Variants in CACNA2D3 observed in about 807,000 individuals in gnomAD.
CACNA2D3 encodes calcium voltage-gated channel auxiliary subunit alpha2delta 3.
A neutral mutation model predicts 160.6 loss-of-function variants in CACNA2D3; 60 were observed. That is an observed-to-expected ratio of 0.37 (90% CI 0.30 to 0.46). The LOEUF is 0.46. CACNA2D3 is among the 20% of genes least tolerant of loss of function. The pLI is 1.00. For synonymous variants in CACNA2D3, 558 were observed against 492.9 expected, an observed-to-expected ratio of 1.13 and a Z score of -1.75; for missense variants, 1,205 against 1,365.0, an observed-to-expected ratio of 0.88 and a Z score of 1.85.
intron 13 of CACNA2D3, among the ~76,000 whole-genome samples, chr3:54,770,791 G>T (rs1020356303): frequency 1.3e-5 from 2 of 152,108 alleles, no homozygotes; most frequent in African/African-American, 4.8e-5. Flanking sequence ...TATCATAATT[G>T]TATAAATGAA....
chr3:54,242,519 C>T (rs1025444981), intron 2 of CACNA2D3, among the ~76,000 whole-genome samples: 4 of 152,088 alleles, frequency 2.6e-5, no homozygotes, highest in African/African-American at 7.2e-5. Flanking sequence ...AGCACCACCA[C>T]TCTTGTACTT....
intron 31 of CACNA2D3, among the ~76,000 whole-genome samples, chr3:54,998,722 T>C (rs1375902206): frequency 9.6e-6 from 1 of 104,684 alleles, no homozygotes; most frequent in Non-Finnish European, 2.2e-5. Flanking sequence ...GTTTTTGTTT[T>C]GTTTTGTTTT....
chr3:54,603,145 G>A (rs1476641515), intron 9 of CACNA2D3, among the ~76,000 whole-genome samples: 1 of 152,218 alleles, frequency 6.6e-6, no homozygotes, highest in Non-Finnish European at 1.5e-5. Flanking sequence ...AGTTGCACTG[G>A]ACACAGGCAG....
intron 13 of CACNA2D3, among the ~76,000 whole-genome samples, chr3:54,794,407 T>C (rs1471460387): frequency 6.6e-6 from 1 of 152,148 alleles, no homozygotes; most frequent in Non-Finnish European, 1.5e-5. Context: ...TCACAATACA[T>C]TGTTTTTATT....
At chr3:55,065,980 C>G (rs1704626411) in intron 35 of CACNA2D3, among the ~76,000 whole-genome samples, 7 of 152,166 alleles carry the variant, frequency 4.6e-5, no homozygotes, top group Admixed American at 4.6e-4. Flanking sequence ...CACCTCCCTC[C>G]TACTGTCTCA....
At chr3:54,204,197 G>A (rs1447268868) in intron 2 of CACNA2D3, among the ~76,000 whole-genome samples, 3 of 151,986 alleles carry the variant, frequency 2.0e-5, no homozygotes, top group African/African-American at 7.2e-5. Flanking sequence ...CTGGGTCTCT[G>A]CTTTATAGAT....
intron 3 of CACNA2D3, among the ~76,000 whole-genome samples, chr3:54,345,725 C>T (rs1698444609): frequency 6.6e-6 from 1 of 152,144 alleles, no homozygotes. Context: ...CCCCAAAGCA[C>T]CTCTAAGCCT....
intron 11 of CACNA2D3, among the ~76,000 whole-genome samples, chr3:54,707,200 CA>C (rs1700872910): frequency 1.3e-5 from 2 of 152,186 alleles, no homozygotes; most frequent in African/African-American, 4.8e-5. Context: ...CCCCATCCCC[CA>C]AAACATATGT....
intron 2 of CACNA2D3, among the ~76,000 whole-genome samples, chr3:54,187,992 G>C (rs936256403): frequency 6.6e-6 from 1 of 151,976 alleles, no homozygotes; most frequent in African/African-American, 2.4e-5. Flanking sequence ...AGGGTGCCAG[G>C]CACTCTTATC....
intron 2 of CACNA2D3, among the ~76,000 whole-genome samples, chr3:54,134,960 C>T (rs1023895017): frequency 3.4e-4 from 51 of 152,182 alleles, no homozygotes; most frequent in Admixed American, 3.1e-3. Context: ...CCCTCGCAGC[C>T]GCCACCATCA....
At chr3:54,286,906 C>G (rs1016135154) in intron 2 of CACNA2D3, among the ~76,000 whole-genome samples, 1 of 152,104 alleles carries the variant, frequency 6.6e-6, no homozygotes, top group Non-Finnish European at 1.5e-5. Flanking sequence ...CAGGCCTGCC[C>G]TAAAAGAGCT....
intron 2 of CACNA2D3, among the ~76,000 whole-genome samples, chr3:54,191,281 A>C (rs1700976981): frequency 6.6e-6 from 1 of 152,136 alleles, no homozygotes; most frequent in African/African-American, 2.4e-5. Context: ...ACAAACATGT[A>C]ATCTTCAGTG....
intron 11 of CACNA2D3, among the ~76,000 whole-genome samples, chr3:54,648,081 C>T (rs1408352039): frequency 6.6e-6 from 1 of 152,148 alleles, no homozygotes; most frequent in East Asian, 1.9e-4. Flanking sequence ...CATTACCTCC[C>T]CCTTGTTGCA....
rs186066658 is a variant in CACNA2D3 at position 54,549,457 on chromosome 3, A to C, written c.545-13343A>C. Among the ~76,000 whole-genome samples, 302 of 152,294 alleles carry C rather than the reference A, an allele frequency of 2.0e-3. 2 individuals carry two copies. Among genetic ancestry groups the C allele is most frequent in the African/African-American group, 7.0e-3 (291 of 41,542 alleles). ...CGAGACTCCGTCTCAAAAACAAAAA[A>C]AACAACAAACAAACAAAAAAACAAA... On this transcript the variant is annotated intron_variant, in intron 5 of 37. Transcript: ENST00000474759.
chr3:54,702,052 A>G (rs1700776573), intron 11 of CACNA2D3, among the ~76,000 whole-genome samples: 1 of 152,218 alleles, frequency 6.6e-6, no homozygotes, highest in South Asian at 2.1e-4. Context: ...ATAATTGGCT[A>G]TCTGCATGCA....
chr3:54,609,819 T>C (rs904382195), intron 9 of CACNA2D3, among the ~76,000 whole-genome samples: 5 of 152,348 alleles, frequency 3.3e-5, no homozygotes, highest in South Asian at 4.1e-4. Flanking sequence ...AAGTAAGTTT[T>C]GTAGGTGGTG....
intron 30 of CACNA2D3, among the ~76,000 whole-genome samples, chr3:54,985,346 G>A (rs1475892520): frequency 6.6e-6 from 1 of 152,178 alleles, no homozygotes; most frequent in Non-Finnish European, 1.5e-5. Flanking sequence ...CGATGGTACT[G>A]TAATAGAAAA....
intron 11 of CACNA2D3, among the ~76,000 whole-genome samples, chr3:54,687,125 T>TTCTTTTTCTTTTTCTTTTTC (rs1273039348): frequency 1.7e-5 from 1 of 58,516 alleles, no homozygotes; most frequent in African/African-American, 7.4e-5. Flanking sequence ...CTTTTTCTTT[T>TTCTTTTTCTTTTTCTTTTTC]TTTTTTTTTG....
intron 3 of CACNA2D3, among the ~76,000 whole-genome samples, chr3:54,350,956 G>A (rs990041440): frequency 1.6e-5 from 2 of 124,698 alleles, no homozygotes; most frequent in Non-Finnish European, 3.5e-5. Context: ...TGGATTTTGA[G>A]ATCTTGAGTC....
Sources: allele counts gnomAD v4.1 joint callset (sites outside exome capture counted in the v4.1 genomes callset), GRCh38; gene constraint gnomAD v4.1.1; transcripts MANE v1.5; gene names NCBI Gene and HGNC (gene_info 2026-07-23, HGNC 2026-07-21).